NFU1: variants seen among roughly 807,000 people sequenced by gnomAD.
The protein encoded by NFU1 is NFU1 iron-sulfur cluster scaffold.
NFU1 carries 30 observed loss-of-function variants against 32.2 expected under a neutral mutation model. That is an observed-to-expected ratio of 0.93 (90% CI 0.70 to 1.26). The LOEUF is 1.26. Ranked by LOEUF, NFU1 falls within the 50% of genes most tolerant of loss-of-function variation. The pLI is 0.00. For missense variants in NFU1, 306 were observed against 306.6 expected (o/e 1.00, Z 0.02); for synonymous variants, 112 against 104.6 (o/e 1.07, Z -0.43).
At chr2:69,433,235 A>T (rs1673708637) in intron 1 of NFU1, among the ~76,000 whole-genome samples, 1 of 150,002 alleles carries the variant, frequency 6.7e-6, no homozygotes, top group Non-Finnish European at 1.5e-5. Flanking sequence ...CTGGAGTGCA[A>T]TGGCACAATC....
upstream of NFU1, among the ~76,000 whole-genome samples, chr2:69,439,448 G>T (rs114297252): frequency 6.6e-6 from 1 of 152,204 alleles, no homozygotes; most frequent in Non-Finnish European, 1.5e-5. Context: ...AGACCTTTGC[G>T]ATGGGTGTTA....
intron 5 of NFU1, among the ~76,000 whole-genome samples, chr2:69,407,126 T>C (rs75368620): frequency 6.6e-6 from 1 of 152,242 alleles, no homozygotes; most frequent in East Asian, 1.9e-4. Context: ...GGTATGTCTT[T>C]ATCAGCAGCG....
chr2:69,431,266 A>G (rs1036102910), intron 2 of NFU1, among the ~76,000 whole-genome samples: 4 of 152,168 alleles, frequency 2.6e-5, no homozygotes, highest in African/African-American at 9.7e-5. Context: ...AAAGGACAGC[A>G]GTAGCTTTAA....
intron 3 of NFU1, among the ~76,000 whole-genome samples, chr2:69,423,345 C>T (rs1673330060): frequency 6.6e-6 from 1 of 150,942 alleles, no homozygotes; most frequent in Non-Finnish European, 1.5e-5. Context: ...GTCTCAAACT[C>T]CTGGACTCAA....
At chr2:69,406,349 TG>T (rs1478657862) in intron 5 of NFU1, among the ~76,000 whole-genome samples, 7 of 152,314 alleles carry the variant, frequency 4.6e-5, no homozygotes, top group African/African-American at 1.2e-4. Flanking sequence ...ATGCTAATGA[TG>T]TTAGGGTATG....
At chr2:69,426,804 C>T (rs1020052787) in intron 2 of NFU1, among the ~76,000 whole-genome samples, 2 of 151,862 alleles carry the variant, frequency 1.3e-5, no homozygotes, top group Non-Finnish European at 2.9e-5. Context: ...GGCAGTGGCT[C>T]ACGCCTGGAA....
intron 3 of NFU1, 60 bp from the exon 4 acceptor site, chr2:69,419,664 T>G: frequency 2.0e-6 from 2 of 985,938 alleles, no homozygotes; most frequent in Non-Finnish European, 3.2e-6. Context: ...AGTTTAAACA[T>G]ACACAAAAGT....
intron 1 of NFU1, 144 bp downstream of exon 1, chr2:69,437,217 C>T: frequency 6.8e-7 from 1 of 1,466,540 alleles, no homozygotes; most frequent in Non-Finnish European, 9.0e-7. Flanking sequence ...CAGGGCTCAC[C>T]CCCAACTACG....
At chr2:69,414,434 A>G (rs756987050) in intron 5 of NFU1, among the ~76,000 whole-genome samples, 2 of 152,048 alleles carry the variant, frequency 1.3e-5, no homozygotes, top group South Asian at 2.1e-4. Flanking sequence ...CCTGACAAAC[A>G]TGATGAAACC....
chr2:69,419,618 A>G lies in NFU1; in HGVS notation c.303-14T>C. The stretch of plus-strand genomic sequence containing the variant: ...CTAAATAACTGCCTGCAAAAAAAGA[A>G]AAAATAAGAGATATTAAAATGCTTG... On this transcript the variant is annotated splice_polypyrimidine_tract_variant and intron_variant, in intron 3 of 7. Coordinates refer to ENST00000410022, the MANE Select transcript of NFU1 (RefSeq NM_001002755.4). The G allele has an allele frequency of 6.7e-7, 1 of 1,482,448 alleles. No homozygotes were observed. Among genetic ancestry groups the G allele is most frequent in the Middle Eastern group, 1.7e-4 (1 of 5,826 alleles). 91.8% of individuals were successfully genotyped at this position (1,482,448 alleles called of 1,614,324 possible).
intron 1 of NFU1, among the ~76,000 whole-genome samples, chr2:69,435,824 C>T (rs1221208984): frequency 6.6e-6 from 1 of 152,148 alleles, no homozygotes; most frequent in Non-Finnish European, 1.5e-5. Flanking sequence ...GTGATCTTGG[C>T]TCACTGCAAC....
upstream of NFU1, among the ~76,000 whole-genome samples, chr2:69,437,911 C>T (rs1673913912): frequency 6.6e-6 from 1 of 152,184 alleles, no homozygotes; most frequent in Admixed American, 6.5e-5. Context: ...GTGTCTAACC[C>T]TTCCTCATAG....
intron 3 of NFU1, among the ~76,000 whole-genome samples, chr2:69,420,003 AT>A (rs57731378): frequency 0.45 from 66,562 of 148,312 alleles, 14,923 homozygotes; most frequent in African/African-American, 0.53. Flanking sequence ...TAAACAGACT[AT>A]TTTTTTTTTT....
At chr2:69,435,732 A>G (rs748011526) in intron 1 of NFU1, among the ~76,000 whole-genome samples, 2 of 152,094 alleles carry the variant, frequency 1.3e-5, no homozygotes, top group Non-Finnish European at 2.9e-5. Context: ...TGTTGATCAC[A>G]GTAAGAGCTG....
chr2:69,404,623 T>A (rs1418126942), intron 6 of NFU1, among the ~76,000 whole-genome samples: 1 of 125,520 alleles, frequency 8.0e-6, no homozygotes. Flanking sequence ...AAATTTTTTT[T>A]TTTTTTTTTT....
upstream of NFU1, among the ~76,000 whole-genome samples, chr2:69,439,545 G>A (rs926111784): frequency 6.6e-6 from 1 of 152,204 alleles, no homozygotes; most frequent in Non-Finnish European, 1.5e-5. Flanking sequence ...TCATAACATG[G>A]AAGGGGACCC....
chr2:69,431,895 A>G lies in NFU1; in HGVS notation c.166+7T>C, dbSNP rs1474184508. 2 of 1,585,122 alleles carry G rather than the reference A, an allele frequency of 1.3e-6. No homozygotes were observed. Among genetic ancestry groups the G allele is most frequent in the Non-Finnish European group, 1.7e-6 (2 of 1,153,806 alleles). Reference sequence around the variant, plus strand: ...ACACAACTGCTATAAAAGAGGTGAAATTTTACCTGGGTGATAAAAGGCTGC... The same window carrying G: ...ACACAACTGCTATAAAAGAGGTGAAGTTTTACCTGGGTGATAAAAGGCTGC... On this transcript the variant is annotated splice_region_variant and intron_variant, in intron 2 of 7. Coordinates refer to ENST00000410022, the MANE Select transcript of NFU1 (RefSeq NM_001002755.4).
chr2:69,400,872 C>T (rs1010626106), intron 6 of NFU1, among the ~76,000 whole-genome samples: 7 of 152,120 alleles, frequency 4.6e-5, no homozygotes, highest in Non-Finnish European at 5.9e-5. Flanking sequence ...ACTGCTTGAG[C>T]CCAGGAGTTG....
chr2:69,400,308 T>G (rs907938019), intron 7 of NFU1, 56 bp downstream of exon 7: 6 of 1,493,850 alleles, frequency 4.0e-6, no homozygotes, highest in Non-Finnish European at 5.6e-6. Context: ...CCTTTGTATC[T>G]ACAAAGAAAA....
Sources: gnomAD v4.1 joint callset for allele counts (sites outside exome capture counted in the v4.1 genomes callset) on GRCh38, gnomAD v4.1.1 for gene constraint, MANE v1.5 for transcripts, NCBI Gene and HGNC (gene_info 2026-07-23, HGNC 2026-07-21) for gene names.